The following NUMB variants were observed in gnomAD, a reference collection of about 807,000 sequenced individuals.
The protein encoded by NUMB is protein numb homolog.
In NUMB, 29 loss-of-function variants were observed where a neutral mutation model predicts 59.7. The ratio of observed to expected loss-of-function variants is 0.49; its 90% CI spans 0.36 to 0.66. NUMB has a LOEUF of 0.66. Among genes scored for constraint, NUMB ranks in the 30% least tolerant of loss-of-function variants. The probability of loss-of-function intolerance (pLI) is 0.00; values close to 1 mark genes in which losing one functional copy is unlikely to be tolerated. For synonymous variants in NUMB, 288 were observed against 288.2 expected (o/e 1.00, Z 0.01); for missense variants, 723 against 822.0 (o/e 0.88, Z 1.47).
intron 2 of NUMB, among the ~76,000 whole-genome samples, chr14:73,377,959 A>G (rs999230373): frequency 6.6e-5 from 10 of 151,076 alleles, no homozygotes; most frequent in African/African-American, 2.5e-4. Context: ...ATATATATAC[A>G]CACACATGCA....
intron 7 of NUMB, among the ~76,000 whole-genome samples, chr14:73,296,145 T>C (rs1043571495): frequency 5.3e-5 from 8 of 152,060 alleles, no homozygotes; most frequent in African/African-American, 9.7e-5. Context: ...TTAAAAAATA[T>C]ATAAGAACAA....
rs775001788 is a variant in NUMB at position 73,277,302 on chromosome 14, A to G, written c.1241-9T>C. The G allele has an allele frequency of 6.3e-7, 1 of 1,581,134 alleles. No individual in the cohort carries two copies. The highest frequency in any genetic ancestry group is 8.6e-7 in the Non-Finnish European group (1 of 1,157,772). ...TTGACCCCACTCGGTCCCTGGAACC[A>G]ACAAGATGAGAGACAAAAGAATCAG... On this transcript the variant is annotated splice_polypyrimidine_tract_variant and intron_variant, in intron 12 of 12. Transcript: ENST00000555238.
At chr14:73,400,498 C>CTT in intron 2 of NUMB, among the ~76,000 whole-genome samples, 1 of 152,156 alleles carries the variant, frequency 6.6e-6, no homozygotes, top group Non-Finnish European at 1.5e-5. Context: ...TCTTCTTGCC[C>CTT]TTTCCTGACA....
intron 11 of NUMB, chr14:73,281,264 G>GT (rs1471941762): frequency 2.0e-5 from 3 of 148,362 alleles, no homozygotes; most frequent in Admixed American, 2.0e-4. Flanking sequence ...TTTTTCATCT[G>GT]TAACACCTAC....
At chr14:73,452,172 C>G (rs552269222) in intron 1 of NUMB, among the ~76,000 whole-genome samples, 1 of 152,212 alleles carries the variant, frequency 6.6e-6, no homozygotes, top group East Asian at 1.9e-4. Flanking sequence ...CCAGCCTGAC[C>G]AAAATGGTGA....
chr14:73,367,279 C>CTATATATA (rs748523624), intron 2 of NUMB, among the ~76,000 whole-genome samples: 203 of 122,452 alleles, frequency 1.7e-3, no homozygotes, highest in African/African-American at 7.2e-3. Context: ...AAATAAAATA[C>CTATATATA]TATATATATA....
chr14:73,378,399 G>A (rs1895073989), intron 2 of NUMB, among the ~76,000 whole-genome samples: 1 of 152,124 alleles, frequency 6.6e-6, no homozygotes, highest in African/African-American at 2.4e-5. Flanking sequence ...ACATTACTTG[G>A]TATTTATCCA....
chr14:73,287,436 T>A, intron 8 of NUMB, 122 bp from the exon 9 acceptor site: 2 of 832,668 alleles, frequency 2.4e-6, no homozygotes, highest in Non-Finnish European at 3.7e-6. Context: ...TGGAGTGCAG[T>A]GGCGCAGTCT....
At chr14:73,279,812 T>G (rs1182028501) in intron 11 of NUMB, among the ~76,000 whole-genome samples, 1 of 152,232 alleles carries the variant, frequency 6.6e-6, no homozygotes, top group Non-Finnish European at 1.5e-5. Flanking sequence ...AGGTATAGCA[T>G]TTCCCTCTTC....
At chr14:73,388,110 A>G (rs1037753819) in intron 2 of NUMB, among the ~76,000 whole-genome samples, 7 of 146,156 alleles carry the variant, frequency 4.8e-5, no homozygotes, top group Non-Finnish European at 1.0e-4. Flanking sequence ...CTCTAAAAAA[A>G]TAAAATAAAA....
intron 8 of NUMB, among the ~76,000 whole-genome samples, chr14:73,292,443 T>G (rs1002996366): frequency 6.6e-6 from 1 of 152,210 alleles, no homozygotes; most frequent in African/African-American, 2.4e-5. Flanking sequence ...CTGAAAATAC[T>G]TCCAATAATT....
At chr14:73,359,460 T>C (rs55757908) in intron 3 of NUMB, among the ~76,000 whole-genome samples, 7,849 of 152,288 alleles carry the variant, frequency 0.052, 657 homozygotes, top group African/African-American at 0.18. Flanking sequence ...TAGAATAGTA[T>C]TACTTTAAGA....
chr14:73,358,511 G>C (rs553413427), intron 3 of NUMB, among the ~76,000 whole-genome samples: 2 of 150,848 alleles, frequency 1.3e-5, no homozygotes, highest in African/African-American at 2.4e-5. Flanking sequence ...CCTCTGCCTA[G>C]AAAGAAATAT....
chr14:73,292,015 T>C (rs774667850), intron 8 of NUMB, among the ~76,000 whole-genome samples: 1 of 152,158 alleles, frequency 6.6e-6, no homozygotes, highest in South Asian at 2.1e-4. Flanking sequence ...GTTGAAAGTA[T>C]ACTCCAACTC....
chr14:73,299,595 T>TATATGATATGACATATATATGTC (rs1566732885), intron 6 of NUMB, among the ~76,000 whole-genome samples: 1 of 150,678 alleles, frequency 6.6e-6, no homozygotes, highest in Non-Finnish European at 1.5e-5. Context: ...TCATGTCATA[T>TATATGATATGACATATATATGTC]ATATGATATG....
intron 2 of NUMB, among the ~76,000 whole-genome samples, chr14:73,370,194 A>G (rs898195121): frequency 8.5e-5 from 13 of 152,172 alleles, no homozygotes; most frequent in Non-Finnish European, 1.5e-5. Flanking sequence ...GGATTAATGG[A>G]TTAACACCAA....
Position 73,287,272 on chromosome 14 carries a change from AG to A in NUMB, c.492del (p.Cys165ValfsTer2). 1 of 1,613,802 alleles carries A rather than the reference AG, an allele frequency of 6.2e-7. No individual in the cohort carries two copies. Among genetic ancestry groups the A allele is most frequent in the Non-Finnish European group, 8.5e-7 (1 of 1,179,976 alleles). ...TCCCGCTTCTGCTTGCGCTCTAAAC[AG>A]GCTGCAAAAGCACAGCCTACTGCAT... ...LSHAVGCAFA[A>X]CLERKQKREK... is the part of the protein sequence containing the mutation. On this transcript the variant is annotated frameshift_variant, in exon 9 of 13. Transcript: ENST00000555238. LOFTEE classifies it high-confidence loss of function.
intron 6 of NUMB, among the ~76,000 whole-genome samples, chr14:73,304,318 T>C (rs1012894000): frequency 2.4e-4 from 36 of 152,302 alleles, no homozygotes; most frequent in Non-Finnish European, 3.5e-4. Context: ...TCTTTCTTTC[T>C]TTTTTCATTA....
At chr14:73,346,393 T>C (rs774888851) in intron 4 of NUMB, among the ~76,000 whole-genome samples, 47 of 151,786 alleles carry the variant, frequency 3.1e-4, no homozygotes, top group Non-Finnish European at 7.4e-5. Flanking sequence ...GGCAGGAGAA[T>C]TGCTTGAACC....
Sources: gnomAD v4.1 joint callset for allele counts (sites outside exome capture counted in the v4.1 genomes callset) on GRCh38, gnomAD v4.1.1 for gene constraint, MANE v1.5 for transcripts, NCBI Gene and HGNC (gene_info 2026-07-23, HGNC 2026-07-21) for gene names.